Variants in TTN observed in about 807,000 individuals in gnomAD.
TTN encodes connectin.
In TTN, 1,525 loss-of-function variants were observed where a neutral mutation model predicts 3,223.0. That is an observed-to-expected ratio of 0.47 (90% CI 0.45 to 0.49). TTN has a LOEUF of 0.49. TTN is among the 20% of genes least tolerant of loss of function. The pLI is 0.00. For synonymous variants in TTN, 14,094 were observed against 15,161.0 expected (o/e 0.93, Z 5.17); for missense variants, 40,786 against 43,424.0 (o/e 0.94, Z 5.40).
chr2:178,728,168 T>G lies in TTN; in HGVS notation c.19656A>C (p.Thr6552=). 1 of 1,610,950 alleles carries G rather than the reference T, an allele frequency of 6.2e-7. No individual in the cohort carries two copies. Among genetic ancestry groups the G allele is most frequent in the Non-Finnish European group, 8.5e-7 (1 of 1,178,164 alleles). Residue 6552 remains threonine, a synonymous_variant, in exon 67 of 363, where the codon ACA becomes ACC. Transcript: ENST00000589042. ...NLELEDTANY[T]CKVSNVAGDD... is the part of the protein sequence containing the mutation. ...CTCCTGCTACATTTGACACTTTGCA[T>G]GTGTAATTTGCAGTATCTTCTAATT...
Position 178,567,203 on chromosome 2 carries a change from G to A in TTN, c.78929C>T (p.Pro26310Leu), listed in dbSNP as rs754702040. ...GTCACTGCCACCATCTTGAAGTGGT[G>A]GAGACCATGTTAAAGAGCATTTTTC... ...TSEKCSLTWS[P>L]PLQDGGSDIS... Residue 26310 changes from proline to leucine, a missense_variant, in exon 326 of 363, where the codon CCA becomes CTA. Physicochemically the swap from Pro to Leu is moderately conservative, Grantham distance 98. Transcript: ENST00000589042. 84 of 1,611,986 alleles carry A rather than the reference G, an allele frequency of 5.2e-5. No homozygotes were observed. Among genetic ancestry groups the A allele is most frequent in the Non-Finnish European group, 6.9e-5 (81 of 1,178,854 alleles).
At position 178,593,310 on chromosome 2, in the gene TTN, A is replaced by G; in HGVS notation, c.58898T>C (p.Ile19633Thr). The change falls in exon 299 of 363, where the codon ATT (isoleucine) becomes ACT (threonine). Residue 19633 changes from isoleucine to threonine, a missense_variant. Transcript: ENST00000589042. ...KRWARVTKDP[I>T]HPYTKFRVPD... is the part of the protein sequence containing the mutation. ...AACCCTAAATTTAGTGTATGGATGAATAGGATCTTTGGTAACTCTAGCCCA... is the reference window on the plus strand; with the variant it reads ...AACCCTAAATTTAGTGTATGGATGAGTAGGATCTTTGGTAACTCTAGCCCA... The G allele has an allele frequency of 6.2e-7, 1 of 1,613,418 alleles. No individual in the cohort carries two copies. The highest frequency in any genetic ancestry group is 8.5e-7 in the Non-Finnish European group (1 of 1,179,576).
Position 178,665,488 on chromosome 2 carries a change from A to T in TTN, c.35960-28T>A, listed in dbSNP as rs778027573. ...TTGAAGATATTAGTATTATGGTTAGAGGTTAAAAGGATCAGTGGAGACATT... is the reference window on the plus strand; with the variant it reads ...TTGAAGATATTAGTATTATGGTTAGTGGTTAAAAGGATCAGTGGAGACATT... On this transcript the variant is annotated intron_variant, in intron 164 of 362. Transcript: ENST00000589042. 3 of 1,605,094 alleles carry T rather than the reference A, an allele frequency of 1.9e-6. No homozygotes were observed. In the African/African-American group the frequency reaches 4.0e-5, roughly 21 times the overall value.
chr2:178,640,803 C>A (rs1302476937), intron 220 of TTN, among the ~76,000 whole-genome samples, 173 bp from the exon 221 acceptor site: 1 of 151,708 alleles, frequency 6.6e-6, no homozygotes, highest in Non-Finnish European at 1.5e-5. Flanking sequence ...TATTTTTCTT[C>A]CTTTTATTCC....
In TTN at chr2:178,718,285, G is replaced by A. The variant is rs558490501; in HGVS notation, c.24784+37C>T. On this transcript the variant is annotated intron_variant, in intron 85 of 362. Coordinates refer to ENST00000589042, the MANE Select transcript of TTN (RefSeq NM_001267550.2). ...CCATGTAAAAGAGGATGTTTGAAAAGAAAGAGAGCAATAAAAAGAGGTAGC... is the reference window on the plus strand; with the variant it reads ...CCATGTAAAAGAGGATGTTTGAAAAAAAAGAGAGCAATAAAAAGAGGTAGC... 9.8e-5 allele frequency: 157 copies of A among 1,600,498 alleles called. No individual in the cohort carries two copies. In the South Asian group the frequency reaches 1.7e-3, roughly 17 times the overall value.
At chr2:178,801,266 A>AT (rs1054585084) in intron 3 of TTN, among the ~76,000 whole-genome samples, 3 of 152,086 alleles carry the variant, frequency 2.0e-5, no homozygotes, top group African/African-American at 4.8e-5. Context: ...CAGAAAGGGG[A>AT]TTTTTTTGGT....
At chr2:178,600,808 A>G in intron 288 of TTN, 46 bp downstream of exon 288, 2 of 1,606,708 alleles carry the variant, frequency 1.2e-6, no homozygotes, top group South Asian at 2.2e-5. Flanking sequence ...ACACCTAGGA[A>G]GGCAGCTGTA....
At position 178,735,395 on chromosome 2, in the gene TTN, G is replaced by T. The variant is rs558959932; in HGVS notation, c.14935+116C>A. 8 of 1,027,274 alleles carry T rather than the reference G, an allele frequency of 7.8e-6. No individual in the cohort carries two copies. The South Asian group carries it at 1.1e-4, about 14-fold the overall frequency. 63.6% of individuals were successfully genotyped at this position (1,027,274 alleles called of 1,614,324 possible). ...AGGACTTTCCCAAACCATAATGTTT[G>T]CTGAATGACATTATTTTAATAACAA... On this transcript the variant is annotated intron_variant, in intron 50 of 362. Coordinates refer to ENST00000589042, the MANE Select transcript of TTN (RefSeq NM_001267550.2).
intron 354 of TTN, 79 bp downstream of exon 354, chr2:178,538,461 T>C: frequency 2.2e-6 from 3 of 1,376,380 alleles, no homozygotes; most frequent in Non-Finnish European, 2.9e-6. Flanking sequence ...CTTTCCAGGG[T>C]TCTACTTAGT....
chr2:178,535,606 C>T lies in TTN; in HGVS notation c.101009G>A (p.Cys33670Tyr), dbSNP rs749219080. Residue 33670 changes from cysteine to tyrosine, a missense_variant, in exon 358 of 363, where the codon TGT becomes TAT. Transcript: ENST00000589042. ...ATCAATTCCAAATCTGTTTTTAGCA[C>T]AGACCACATAGAAACCAGCATCTTT... is the stretch of plus-strand genomic sequence containing the variant. ...ERKDAGFYVVCAKNRFGIDQK... is the reference protein window; with the variant it reads ...ERKDAGFYVVYAKNRFGIDQK... 4 of 1,613,878 alleles carry T rather than the reference C, an allele frequency of 2.5e-6. No individual in the cohort carries two copies. Among genetic ancestry groups the T allele is most frequent in the Non-Finnish European group, 3.4e-6 (4 of 1,179,812 alleles).
chr2:178,647,351 C>T (rs2062178407), intron 214 of TTN, 30 bp downstream of exon 214: 1 of 1,546,626 alleles, frequency 6.5e-7, no homozygotes. Flanking sequence ...CAATTGTCAT[C>T]TTTCCAAGAT....
chr2:178,771,100 T>A lies in TTN; in HGVS notation c.8116+111A>T, dbSNP rs548457217. ...AAGGTTTAGAGGATCTAGAATGACT[T>A]TATGAAATGAAAATTTATGGTATCC... is the stretch of plus-strand genomic sequence containing the variant. On this transcript the variant is annotated intron_variant, in intron 34 of 362. Transcript: ENST00000589042. The A allele has an allele frequency of 2.0e-5, 30 of 1,525,590 alleles. No homozygotes were observed. The African/African-American group carries it at 3.8e-4, about 19-fold the overall frequency. 94.5% of individuals were successfully genotyped at this position (1,525,590 alleles called of 1,614,324 possible).
rs376445406 is a variant in TTN at position 178,630,293 on chromosome 2, C to G, written c.44229G>C (p.Gly14743=). 1.2e-6 allele frequency: 2 copies of G among 1,612,998 alleles called. No individual in the cohort carries two copies. The highest frequency in any genetic ancestry group is 2.2e-5 in the East Asian group (1 of 44,732). ...LHNCRLDQTG[G]VDFQAANVKS... ...TAACATTGGCAGCTTGGAAATCCACCCCACCCGTCTGGTCCAGGCGACAGT... is the reference window on the plus strand; with the variant it reads ...TAACATTGGCAGCTTGGAAATCCACGCCACCCGTCTGGTCCAGGCGACAGT... The change falls in exon 239 of 363, where the codon GGG becomes GGC. Residue 14743 remains glycine (G), a synonymous_variant. Transcript: ENST00000589042.
In TTN at chr2:178,720,648, G is replaced by A. The variant is rs772162626; in HGVS notation, c.23114C>T (p.Thr7705Ile). ...AGCTCCTACTGGAGAAGGCTTCTGG[G>A]TGAAAACAGGAGGTGCTACCAGAAA... Reference protein sequence around the residue: ...ALTVKAPPVFTQKPSPVGALK... With the variant: ...ALTVKAPPVFIQKPSPVGALK... Residue 7705 changes from threonine to isoleucine, a missense_variant, in exon 80 of 363, where the codon ACC becomes ATC. Thr to Ile is a moderately conservative substitution (Grantham distance 89). Coordinates refer to ENST00000589042, the MANE Select transcript of TTN (RefSeq NM_001267550.2). The A allele has an allele frequency of 1.0e-5, 16 of 1,591,862 alleles. No individual in the cohort carries two copies. Among genetic ancestry groups the A allele is most frequent in the Non-Finnish European group, 1.1e-5 (13 of 1,171,666 alleles).
intron 1 of TTN, among the ~76,000 whole-genome samples, chr2:178,805,599 C>T (rs913086316): frequency 4.6e-5 from 7 of 152,082 alleles, no homozygotes; most frequent in African/African-American, 1.7e-4. Flanking sequence ...AGACGGCATA[C>T]GGTGCTTTCT....
Position 178,706,548 on chromosome 2 carries a change from C to T in TTN, c.29326G>A (p.Glu9776Lys), listed in dbSNP as rs143477225. The T allele has an allele frequency of 2.2e-5, 35 of 1,613,800 alleles. No individual in the cohort carries two copies. Among genetic ancestry groups the T allele is most frequent in the South Asian group, 5.5e-5 (5 of 91,062 alleles). Residue 9776 changes from glutamate to lysine, a missense_variant, in exon 102 of 363, where the codon GAA (glutamate) becomes AAA (lysine). Transcript: ENST00000589042. ...ACATTACTTTCAATTTCACCATGTT[C>T]GTTAAATGCCACGCATCGGTATAAC... ...SGLYRCVAFN[E>K]HGEIESNVNL...
At chr2:178,803,739 C>T (rs147952529) in intron 2 of TTN, among the ~76,000 whole-genome samples, 15 of 150,982 alleles carry the variant, frequency 9.9e-5, no homozygotes, top group Middle Eastern at 3.4e-3. Context: ...TTACATGGCT[C>T]GTTACAATAC....
At chr2:178,745,721 G>A (rs757811601) in intron 47 of TTN, 2 of 1,612,430 alleles carry the variant, frequency 1.2e-6, no homozygotes, top group Admixed American at 3.3e-5. Context: ...TTCCTCAACA[G>A]TGAACCTTCT....
rs370337945 is a variant in TTN at position 178,627,128 on chromosome 2, T to C, written c.44425-1732A>G. On this transcript the variant is annotated intron_variant, in intron 240 of 362. Transcript: ENST00000589042. Reference sequence around the variant, plus strand: ...GGTAGGCTTATGACCATGACAAAACTATTAAAGTTTTGTATTTAAACTTTA... The same window carrying C: ...GGTAGGCTTATGACCATGACAAAACCATTAAAGTTTTGTATTTAAACTTTA... 1.3e-4 allele frequency among the ~76,000 whole-genome samples: 20 copies of C among 152,074 alleles called. No homozygotes were observed. The South Asian group carries it at 3.9e-3, about 30-fold the overall frequency.
Sources: gnomAD v4.1 joint callset for allele counts (sites outside exome capture counted in the v4.1 genomes callset) on GRCh38, gnomAD v4.1.1 for gene constraint, MANE v1.5 for transcripts, NCBI Gene and HGNC (gene_info 2026-07-23, HGNC 2026-07-21) for gene names.